The following ZFR variants were observed in gnomAD, a reference collection of about 807,000 sequenced individuals.
ZFR encodes the protein zinc finger RNA-binding protein.
In ZFR, 19 loss-of-function variants were observed where a neutral mutation model predicts 130.7. The ratio of observed to expected loss-of-function variants is 0.15; its 90% CI spans 0.10 to 0.21. The LOEUF (loss-of-function observed/expected upper bound fraction) is 0.21. Among genes scored for constraint, ZFR ranks in the 10% least tolerant of loss-of-function variants. ZFR has a pLI of 1.00. For synonymous variants in ZFR, 466 were observed against 456.9 expected (o/e 1.02, Z -0.25); for missense variants, 872 against 1,321.5 (o/e 0.66, Z 5.27).
At chr5:32,382,435 G>A (rs1287684977) in intron 15 of ZFR, among the ~76,000 whole-genome samples, 1 of 152,148 alleles carries the variant, frequency 6.6e-6, no homozygotes, top group Non-Finnish European at 1.5e-5. Flanking sequence ...ATTTGCTAAA[G>A]CTAGAATGCA....
intron 13 of ZFR, among the ~76,000 whole-genome samples, chr5:32,387,931 A>T (rs1753075574): frequency 6.6e-6 from 1 of 152,222 alleles, no homozygotes; most frequent in African/African-American, 2.4e-5. Flanking sequence ...AAAGCAATGG[A>T]CATTAACACT....
intron 19 of ZFR, among the ~76,000 whole-genome samples, chr5:32,359,606 T>C (rs1350395628): frequency 6.6e-6 from 1 of 152,094 alleles, no homozygotes; most frequent in Non-Finnish European, 1.5e-5. Flanking sequence ...CACAAAAAAA[T>C]GTGCATCAGT....
intron 5 of ZFR, among the ~76,000 whole-genome samples, chr5:32,409,905 G>A (rs1057187647): frequency 6.6e-6 from 1 of 152,124 alleles, no homozygotes; most frequent in African/African-American, 2.4e-5. Context: ...AGGAGGCTGA[G>A]GCTGCAGTAA....
At chr5:32,396,488 C>T (rs1753315727) in intron 10 of ZFR, among the ~76,000 whole-genome samples, 1 of 152,130 alleles carries the variant, frequency 6.6e-6, no homozygotes, top group African/African-American at 2.4e-5. Context: ...CGCATGTAAT[C>T]CCAGCACTTT....
chr5:32,384,137 T>C (rs1040467581), intron 15 of ZFR, among the ~76,000 whole-genome samples: 1 of 152,208 alleles, frequency 6.6e-6, no homozygotes, highest in Non-Finnish European at 1.5e-5. Flanking sequence ...GAACAAAATG[T>C]ATTCTGAAAT....
intron 2 of ZFR, among the ~76,000 whole-genome samples, chr5:32,434,756 G>A (rs1005216614): frequency 6.6e-6 from 1 of 152,126 alleles, no homozygotes; most frequent in African/African-American, 2.4e-5. Context: ...AAAAATAAGG[G>A]AAATGTTTTC....
In ZFR at chr5:32,403,305, A is replaced by G. The variant is rs773406801; in HGVS notation, c.1317T>C (p.Ala439=). Residue 439 remains alanine (A), a synonymous_variant, in exon 8 of 20, where the codon GCT becomes GCC. Transcript: ENST00000265069. Reference sequence around the variant, plus strand: ...TTGAAGGAGAGGCAGTCGGCTTTGAAGCAGATACAGCTGTTGAAGAAGTAG... The same window carrying G: ...TTGAAGGAGAGGCAGTCGGCTTTGAGGCAGATACAGCTGTTGAAGAAGTAG... ...SQATSSTAVS[A]SKPTASPSSI... 3.3e-5 allele frequency: 54 copies of G among 1,614,102 alleles called. No homozygotes were observed. The highest frequency in any genetic ancestry group is 1.3e-4 in the Admixed American group (8 of 60,010).
chr5:32,411,869 T>G (rs997613657), intron 5 of ZFR, among the ~76,000 whole-genome samples: 7 of 152,180 alleles, frequency 4.6e-5, no homozygotes, highest in Admixed American at 3.9e-4. Flanking sequence ...TATGTCATTT[T>G]ATATATGTGA....
At chr5:32,439,050 A>G (rs1262497083) in intron 2 of ZFR, among the ~76,000 whole-genome samples, 1 of 152,200 alleles carries the variant, frequency 6.6e-6, no homozygotes, top group Non-Finnish European at 1.5e-5. Context: ...GCAGATACCT[A>G]TTCTATACAG....
chr5:32,389,761 A>T (rs1160361429), intron 12 of ZFR, among the ~76,000 whole-genome samples: 3 of 152,262 alleles, frequency 2.0e-5, no homozygotes, highest in Non-Finnish European at 4.4e-5. Flanking sequence ...AAAATAAGAA[A>T]GATTCCCAGA....
Position 32,417,711 on chromosome 5 carries a change from C to T in ZFR, c.502G>A (p.Ala168Thr), listed in dbSNP as rs113350900. 1 of 1,613,974 alleles carries T rather than the reference C, an allele frequency of 6.2e-7. No individual in the cohort carries two copies. Among genetic ancestry groups the T allele is most frequent in the Non-Finnish European group, 8.5e-7 (1 of 1,179,878 alleles). ...KQYYQQPTATAAAVAAAAQPQ... is the reference protein window; with the variant it reads ...KQYYQQPTATTAAVAAAAQPQ... ...TGGGCAGCGGCAGCTACAGCAGCAGCAGTTGCTGTTGGTTGTTGGTAGTAT... is the reference window on the plus strand; with the variant it reads ...TGGGCAGCGGCAGCTACAGCAGCAGTAGTTGCTGTTGGTTGTTGGTAGTAT... Residue 168 changes from alanine to threonine, a missense_variant, in exon 4 of 20, where the codon GCT becomes ACT. Coordinates refer to ENST00000265069, the MANE Select transcript of ZFR (RefSeq NM_016107.5).
intron 8 of ZFR, among the ~76,000 whole-genome samples, chr5:32,402,874 T>C (rs1332810429): frequency 6.6e-6 from 1 of 151,672 alleles, no homozygotes; most frequent in Non-Finnish European, 1.5e-5. Context: ...CTTTTTTTTT[T>C]AAATGACTAG....
chr5:32,442,510 G>C (rs7726330), intron 2 of ZFR, among the ~76,000 whole-genome samples: 2,876 of 152,250 alleles, frequency 0.019, 89 homozygotes, highest in African/African-American at 0.066. Context: ...ATAAGCAAAC[G>C]ATTTGCTAAT....
chr5:32,356,167 A>C (rs1288307343), intron 19 of ZFR, among the ~76,000 whole-genome samples: 7 of 152,034 alleles, frequency 4.6e-5, no homozygotes, highest in South Asian at 2.1e-4. Flanking sequence ...TAAAAAAAAA[A>C]CCAAAAAACT....
chr5:32,440,171 T>TAC (rs952607783), intron 2 of ZFR, among the ~76,000 whole-genome samples: 3 of 152,212 alleles, frequency 2.0e-5, no homozygotes, highest in Non-Finnish European at 4.4e-5. Context: ...AAAGGTACTC[T>TAC]ACTCTTAACA....
chr5:32,429,544 C>G (rs1364880009), intron 2 of ZFR, among the ~76,000 whole-genome samples: 6 of 152,156 alleles, frequency 3.9e-5, no homozygotes, highest in Non-Finnish European at 7.4e-5. Flanking sequence ...GGCAAATTCC[C>G]AACCAAGAAG....
intron 2 of ZFR, among the ~76,000 whole-genome samples, chr5:32,436,352 C>T (rs944287270): frequency 1.3e-5 from 2 of 151,664 alleles, no homozygotes; most frequent in Admixed American, 1.3e-4. Flanking sequence ...GTGGTTTCAC[C>T]GTGTTAGCCA....
In ZFR at chr5:32,420,031, T is replaced by C; in HGVS notation, c.210A>G (p.Pro70=). 1.9e-6 allele frequency: 3 copies of C among 1,613,650 alleles called. No homozygotes were observed. Among genetic ancestry groups the C allele is most frequent in the Non-Finnish European group, 1.7e-6 (2 of 1,179,978 alleles). ...TVASYTVHQA[P]VAAHTVTAAY... is the part of the protein sequence containing the mutation. ...CAGCAGTAACTGTGTGAGCAGCTAC[T>C]GGAGCCTGATGGACAGTGTAGCTAG... is the stretch of plus-strand genomic sequence containing the variant. Residue 70 remains proline (P), a synonymous_variant, in exon 3 of 20, where the codon CCA becomes CCG. Transcript: ENST00000265069.
chr5:32,375,733 C>T (rs116134293), intron 17 of ZFR, among the ~76,000 whole-genome samples: 1 of 152,144 alleles, frequency 6.6e-6, no homozygotes, highest in Admixed American at 6.5e-5. Context: ...TCTCCAACTC[C>T]GGGACTCAAG....
Sources: allele counts gnomAD v4.1 joint callset (sites outside exome capture counted in the v4.1 genomes callset), GRCh38; gene constraint gnomAD v4.1.1; transcripts MANE v1.5; gene names NCBI Gene and HGNC (gene_info 2026-07-23, HGNC 2026-07-21).